The following CD109 variants were observed in gnomAD, a reference collection of about 807,000 sequenced individuals.
CD109 encodes CD109 antigen.
A neutral mutation model predicts 165.8 loss-of-function variants in CD109; 149 were observed. The observed-to-expected ratio is 0.90, with a 90% confidence interval of 0.79 to 1.03. The LOEUF is 1.03. Ranked by LOEUF, CD109 falls within the 50% of genes least tolerant of loss-of-function variation. The pLI is 0.00. For missense variants in CD109, 1,712 were observed against 1,677.8 expected (o/e 1.02, Z -0.36); for synonymous variants, 585 against 592.1 (o/e 0.99, Z 0.18).
chr6:73,770,801 T>G (rs545203420), intron 14 of CD109, among the ~76,000 whole-genome samples: 1 of 152,246 alleles, frequency 6.6e-6, no homozygotes, highest in South Asian at 2.1e-4. Context: ...ACAAGGCCAT[T>G]TGGTTCAGCG....
intron 2 of CD109, among the ~76,000 whole-genome samples, chr6:73,702,500 C>G (rs1020661976): frequency 2.6e-5 from 4 of 152,198 alleles, no homozygotes; most frequent in Non-Finnish European, 5.9e-5. Flanking sequence ...CAGTCTGAAC[C>G]TGCAGTTATG....
chr6:73,693,990 A>G (rs1362508566), upstream of CD109: 1 of 151,972 alleles, frequency 6.6e-6, no homozygotes, highest in Non-Finnish European at 1.5e-5. Flanking sequence ...GGTTCAAGCA[A>G]TTCTCTTGCC....
the CD109 span, among the ~76,000 whole-genome samples, chr6:73,688,013 C>T: frequency 3.3e-4 from 51 of 152,318 alleles, no homozygotes; most frequent in Non-Finnish European, 5.4e-4. Context: ...AAACTCCCAA[C>T]TGGCATTGGC....
At chr6:73,785,090 G>A (rs940732450) in intron 19 of CD109, among the ~76,000 whole-genome samples, 2 of 152,158 alleles carry the variant, frequency 1.3e-5, no homozygotes, top group Non-Finnish European at 2.9e-5. Flanking sequence ...ACCTTATGGG[G>A]TTGTAATAAC....
intron 26 of CD109, among the ~76,000 whole-genome samples, chr6:73,809,597 T>A (rs1379401267): frequency 1.3e-5 from 2 of 152,112 alleles, no homozygotes; most frequent in African/African-American, 4.8e-5. Flanking sequence ...AATGCTCCAA[T>A]GAGCATTTCC....
At chr6:73,725,632 C>T (rs998539865) in intron 3 of CD109, among the ~76,000 whole-genome samples, 2 of 151,474 alleles carry the variant, frequency 1.3e-5, no homozygotes, top group Admixed American at 6.6e-5. Context: ...CCTCAGCCTC[C>T]CGAGTAGCTG....
At position 73,703,469 on chromosome 6, in the gene CD109, T is replaced by A. The variant is rs191917289; in HGVS notation, c.247+5897T>A. 7.2e-5 allele frequency among the ~76,000 whole-genome samples: 11 copies of A among 152,244 alleles called. No individual in the cohort carries two copies. The East Asian group carries it at 1.7e-3, about 24-fold the overall frequency. The stretch of plus-strand genomic sequence containing the variant: ...ATGGCTGGGAGACTGAGGTGAGGCA[T>A]GGGATCTGGGGATTTTCCCAAGGTC... On this transcript the variant is annotated intron_variant, in intron 2 of 32. Transcript: ENST00000287097.
At chr6:73,758,165 C>T (rs1228865995) in intron 6 of CD109, among the ~76,000 whole-genome samples, 1 of 151,780 alleles carries the variant, frequency 6.6e-6, no homozygotes, top group East Asian at 1.9e-4. Flanking sequence ...TTGATTGGAG[C>T]TGAAGGTCTG....
rs191778216 is a variant in CD109, at chr6:73,710,133, G to A, written c.247+12561G>A. Among the ~76,000 whole-genome samples the A allele has an allele frequency of 2.0e-3, 312 of 152,272 alleles. 2 individuals are homozygous for A. Among genetic ancestry groups the A allele is most frequent in the African/African-American group, 7.1e-3 (296 of 41,562 alleles). ...AAAGAAATAAAAGGTATTCAATTAG[G>A]AAAAGAGGAAGTCAAATTGTCCCTG... On this transcript the variant is annotated intron_variant, in intron 2 of 32. Coordinates refer to ENST00000287097, the MANE Select transcript of CD109 (RefSeq NM_133493.5).
At chr6:73,730,208 T>C in intron 3 of CD109, 136 bp from the exon 4 acceptor site, 1 of 625,008 alleles carries the variant, frequency 1.6e-6, no homozygotes, top group Non-Finnish European at 2.8e-6. Flanking sequence ...CTCTGATGCC[T>C]GGGAGGGGCA....
chr6:73,723,071 A>G (rs540336686), intron 2 of CD109, 180 bp from the exon 3 acceptor site: 2 of 929,846 alleles, frequency 2.2e-6, no homozygotes, highest in Admixed American at 1.2e-4. Context: ...ATTGTTTGGC[A>G]CAAAGATATG....
At chr6:73,740,995 A>G (rs1008458087) in intron 5 of CD109, among the ~76,000 whole-genome samples, 1 of 152,138 alleles carries the variant, frequency 6.6e-6, no homozygotes, top group African/African-American at 2.4e-5. Flanking sequence ...ACCAAATCCA[A>G]GGTTCTCTCT....
At chr6:73,727,804 C>T (rs931681761) in intron 3 of CD109, among the ~76,000 whole-genome samples, 1 of 152,070 alleles carries the variant, frequency 6.6e-6, no homozygotes, top group African/African-American at 2.4e-5. Flanking sequence ...AAATCGATGC[C>T]ATTTATAAGC....
At chr6:73,759,212 T>C (rs74803699) in intron 7 of CD109, among the ~76,000 whole-genome samples, 184 bp downstream of exon 7, 1 of 152,186 alleles carries the variant, frequency 6.6e-6, no homozygotes, top group East Asian at 1.9e-4. Flanking sequence ...ACTGCATCTA[T>C]CACTCTGCTT....
chr6:73,764,788 C>T (rs1338705846), intron 10 of CD109, among the ~76,000 whole-genome samples: 2 of 150,306 alleles, frequency 1.3e-5, no homozygotes, highest in Non-Finnish European at 3.0e-5. Context: ...TGCACTCCAG[C>T]CTGGGCAACA....
intron 4 of CD109, among the ~76,000 whole-genome samples, chr6:73,736,171 T>G (rs1216177785): frequency 2.6e-5 from 4 of 152,246 alleles, no homozygotes; most frequent in Non-Finnish European, 4.4e-5. Flanking sequence ...CTCTCACATT[T>G]CCAGACCTTT....
intron 2 of CD109, among the ~76,000 whole-genome samples, chr6:73,720,938 C>T (rs952832172): frequency 1.2e-4 from 18 of 152,188 alleles, no homozygotes; most frequent in Non-Finnish European, 2.9e-5. Flanking sequence ...GCATTTGCTG[C>T]TCTTTTGCCT....
At chr6:73,788,155 T>C (rs1490805579) in intron 21 of CD109, among the ~76,000 whole-genome samples, 1 of 152,200 alleles carries the variant, frequency 6.6e-6, no homozygotes, top group Non-Finnish European at 1.5e-5. Context: ...GTGTAAATCC[T>C]GTGAAAAACA....
chr6:73,780,423 G>C lies in CD109; in HGVS notation c.1828-1G>C, dbSNP rs372419169. On this transcript the variant is annotated splice_acceptor_variant, in intron 15 of 32. Transcript: ENST00000287097. LOFTEE classifies it high-confidence loss of function. ...TTCCGTATATTTTATCTTCTCCTTA[G>C]GTGGTCCATGAGTTGGAACTTTATA... 1 of 1,574,894 alleles carries C rather than the reference G, an allele frequency of 6.3e-7. No individual in the cohort carries two copies. Among genetic ancestry groups the C allele is most frequent in the African/African-American group, 1.3e-5 (1 of 74,188 alleles).
Sources: allele counts gnomAD v4.1 joint callset (sites outside exome capture counted in the v4.1 genomes callset), GRCh38; gene constraint gnomAD v4.1.1; transcripts MANE v1.5; gene names NCBI Gene and HGNC (gene_info 2026-07-23, HGNC 2026-07-21).